ZFAND6: variants seen among roughly 807,000 people sequenced by gnomAD.
The protein encoded by ZFAND6 is AN1-type zinc finger protein 6.
A neutral mutation model predicts 24.5 loss-of-function variants in ZFAND6; 12 were observed. The ratio of observed to expected loss-of-function variants is 0.49; its 90% confidence interval spans 0.31 to 0.79. The LOEUF (loss-of-function observed/expected upper bound fraction) is 0.79. Ranked by LOEUF, ZFAND6 falls within the 30% of genes least tolerant of loss-of-function variation. ZFAND6 has a pLI of 0.04. For synonymous variants in ZFAND6, 92 were observed against 81.5 expected, an observed-to-expected ratio of 1.13 and a Z score of -0.69; for missense variants, 207 against 245.9, an observed-to-expected ratio of 0.84 and a Z score of 1.06.
At chr15:80,059,031 G>A (rs2036190510), upstream of ZFAND6, among the ~76,000 whole-genome samples, 1 of 152,256 alleles carries the variant, frequency 6.6e-6, no homozygotes, top group Admixed American at 6.5e-5. Flanking sequence ...AACTGGGGGT[G>A]CTTGTGCCTG....
chr15:80,112,880 A>G (rs746586193), intron 2 of ZFAND6: 1 of 456,078 alleles, frequency 2.2e-6, no homozygotes, highest in Non-Finnish European at 4.4e-6. Context: ...GTCAGTTAAT[A>G]AGAAAAAATT....
chr15:80,111,882 C>G (rs2039626730), intron 2 of ZFAND6, among the ~76,000 whole-genome samples: 2 of 152,152 alleles, frequency 1.3e-5, no homozygotes, highest in African/African-American at 4.8e-5. Flanking sequence ...CCTAATAGGG[C>G]CTTAGCTGAT....
chr15:80,107,751 G>A (rs1223966715), intron 2 of ZFAND6, among the ~76,000 whole-genome samples: 3 of 151,974 alleles, frequency 2.0e-5, no homozygotes, highest in South Asian at 2.1e-4. Context: ...CCTGGGAGGC[G>A]GAGGTTGCAG....
At chr15:80,118,208 G>A (rs548266318) in intron 2 of ZFAND6, among the ~76,000 whole-genome samples, 9 of 152,096 alleles carry the variant, frequency 5.9e-5, no homozygotes, top group South Asian at 2.1e-4. Context: ...TGCAACCTCC[G>A]CCTTCCCAGG....
chr15:80,093,385 G>A (rs938243888), intron 1 of ZFAND6, among the ~76,000 whole-genome samples: 7 of 152,170 alleles, frequency 4.6e-5, no homozygotes, highest in African/African-American at 1.7e-4. Flanking sequence ...GAGGTGTGGG[G>A]AGGGAGGTTG....
At chr15:80,060,349 C>T (rs1002778599) in intron 1 of ZFAND6, 2 of 152,178 alleles carry the variant, frequency 1.3e-5, no homozygotes, top group African/African-American at 2.4e-5. Context: ...GGGAATTGGT[C>T]TCTTTTTTTC....
At chr15:80,095,024 C>T (rs777298794) in intron 1 of ZFAND6, among the ~76,000 whole-genome samples, 15 of 152,152 alleles carry the variant, frequency 9.9e-5, no homozygotes, top group Non-Finnish European at 1.8e-4. Context: ...CCACCTGCCT[C>T]GGCCTCCCAG....
At position 80,121,710 on chromosome 15, in the gene ZFAND6, A is replaced by G. The variant is rs1245420994; in HGVS notation, c.155-2A>G. The G allele has an allele frequency of 3.7e-6, 6 of 1,613,450 alleles. No homozygotes were observed. Among genetic ancestry groups the G allele is most frequent in the East Asian group, 2.2e-5 (1 of 44,870 alleles). On this transcript the variant is annotated splice_acceptor_variant, in intron 3 of 6. Transcript: ENST00000261749. LOFTEE classifies it high-confidence loss of function. ...CTAATACGCAATGTGGTACTGTTAC[A>G]GCAACCTCTGTCAGTAGTCTGTCTG...
At chr15:80,078,841 G>C (rs2037448806) in intron 1 of ZFAND6, among the ~76,000 whole-genome samples, 1 of 149,686 alleles carries the variant, frequency 6.7e-6, no homozygotes, top group Non-Finnish European at 1.5e-5. Flanking sequence ...TCATGTATTT[G>C]TTGGCTGTAT....
At chr15:80,113,490 C>T (rs898983759) in intron 2 of ZFAND6, among the ~76,000 whole-genome samples, 3 of 151,738 alleles carry the variant, frequency 2.0e-5, no homozygotes, top group South Asian at 2.1e-4. Context: ...CTATTTTTTT[C>T]GGGAGGAGGG....
chr15:80,112,140 T>A (rs979269119), intron 2 of ZFAND6, among the ~76,000 whole-genome samples: 13 of 152,010 alleles, frequency 8.6e-5, no homozygotes, highest in African/African-American at 3.1e-4. Context: ...CATGCCTGTA[T>A]TCCCAGCTAC....
intron 5 of ZFAND6, among the ~76,000 whole-genome samples, chr15:80,124,277 C>CA (rs1356898152): frequency 2.6e-5 from 4 of 151,954 alleles, no homozygotes; most frequent in Non-Finnish European, 5.9e-5. Context: ...ACTAAAAATA[C>CA]AAAAAATTAG....
intron 1 of ZFAND6, among the ~76,000 whole-genome samples, 178 bp from the exon 2 acceptor site, chr15:80,098,238 A>G (rs1330951767): frequency 6.6e-6 from 1 of 152,250 alleles, no homozygotes; most frequent in Non-Finnish European, 1.5e-5. Context: ...GATTAGTTAT[A>G]TGCATATTGT....
intron 1 of ZFAND6, among the ~76,000 whole-genome samples, chr15:80,083,996 G>C (rs1162488825): frequency 6.6e-6 from 1 of 152,294 alleles, no homozygotes; most frequent in East Asian, 1.9e-4. Context: ...GGCGTGGTCT[G>C]ATCACCCTGA....
intron 5 of ZFAND6, 56 bp downstream of exon 5, chr15:80,122,856 A>C (rs2040206943): frequency 2.2e-6 from 3 of 1,380,178 alleles, no homozygotes; most frequent in Non-Finnish European, 3.0e-6. Flanking sequence ...GCCAGACACT[A>C]TCCTAGGTGC....
At chr15:80,119,050 C>A (rs1596302196) in intron 2 of ZFAND6, among the ~76,000 whole-genome samples, 1 of 152,044 alleles carries the variant, frequency 6.6e-6, no homozygotes, top group African/African-American at 2.4e-5. Flanking sequence ...TTCGGAGTAA[C>A]CTTCACTTAG....
intron 2 of ZFAND6, 106 bp from the exon 3 acceptor site, chr15:80,120,222 T>A: frequency 1.1e-6 from 1 of 925,064 alleles, no homozygotes; most frequent in Non-Finnish European, 1.5e-6. Flanking sequence ...TGTAGAATAG[T>A]TTGATATATG....
chr15:80,095,741 G>A (rs1281041236), intron 1 of ZFAND6, among the ~76,000 whole-genome samples: 20 of 152,172 alleles, frequency 1.3e-4, no homozygotes, highest in Admixed American at 1.3e-3. Context: ...ACTGTTTCAA[G>A]TTCTGTACTC....
intron 2 of ZFAND6, among the ~76,000 whole-genome samples, chr15:80,116,088 G>A (rs546206430): frequency 2.5e-4 from 38 of 150,730 alleles, no homozygotes; most frequent in Non-Finnish European, 4.6e-4. Context: ...AGCCTTTTTA[G>A]GTTTTTTTTT....
Sources: allele counts gnomAD v4.1 joint callset (sites outside exome capture counted in the v4.1 genomes callset), GRCh38; gene constraint gnomAD v4.1.1; transcripts MANE v1.5; gene names NCBI Gene and HGNC (gene_info 2026-07-23, HGNC 2026-07-21).